UBE2QL1: variants seen among roughly 807,000 people sequenced by gnomAD.
The protein encoded by UBE2QL1 is ubiquitin conjugating enzyme E2 QL1.
Under a neutral mutation model 12.6 loss-of-function variants are expected in UBE2QL1, and 5 were observed. The ratio of observed to expected loss-of-function variants is 0.40; its 90% confidence interval spans 0.21 to 0.83. The LOEUF (loss-of-function observed/expected upper bound fraction) is 0.83. Ranked by LOEUF, UBE2QL1 falls within the 40% of genes least tolerant of loss-of-function variation. The pLI is 0.37. For synonymous variants in UBE2QL1, 96 were observed against 94.5 expected (o/e 1.02, Z -0.10); for missense variants, 99 against 222.6 (o/e 0.44, Z 3.53).
rs547209661 is a variant in UBE2QL1 at position 6,481,347 on chromosome 5, C to T, written c.355-9871C>T. On this transcript the variant is annotated intron_variant, in intron 1 of 1. Coordinates refer to ENST00000399816, the MANE Select transcript of UBE2QL1 (RefSeq NM_001145161.3). The surrounding 1 kb of genome is among the most constrained non-coding windows in gnomAD (Gnocchi z 4.5). ...CACCTCCATCCCATCTCGCCTTGCACGCCAGGTGCTCATTATCCCCATGCA... is the reference window on the plus strand; with the variant it reads ...CACCTCCATCCCATCTCGCCTTGCATGCCAGGTGCTCATTATCCCCATGCA... Among the ~76,000 whole-genome samples the T allele has an allele frequency of 6.6e-5, 10 of 152,332 alleles. No homozygotes were observed. In the East Asian group the frequency reaches 1.2e-3, roughly 18 times the overall value.
At chr5:6,471,502 T>C (rs1739911760) in intron 1 of UBE2QL1, among the ~76,000 whole-genome samples, 1 of 152,220 alleles carries the variant, frequency 6.6e-6, no homozygotes, top group Non-Finnish European at 1.5e-5. Context: ...TCCTTGCCTA[T>C]GGGCCTCTCC....
rs568206572 is a variant in UBE2QL1, at chr5:6,466,857, C to T, written c.354+17610C>T. On this transcript the variant is annotated intron_variant, in intron 1 of 1. Transcript: ENST00000399816. ...CTTTATGGGGTTTTGTTTGTAATCA[C>T]GTGCCCTTGAAATGTCATCATACCA... is the stretch of plus-strand genomic sequence containing the variant. Among the ~76,000 whole-genome samples, 17 of 152,226 alleles carry T rather than the reference C, an allele frequency of 1.1e-4. No homozygotes were observed. The South Asian group carries it at 3.1e-3, about 28-fold the overall frequency.
Position 6,478,144 on chromosome 5 carries a change from T to G in UBE2QL1, c.355-13074T>G, listed in dbSNP as rs2126360857. Among the ~76,000 whole-genome samples the G allele has an allele frequency of 6.6e-6, 1 of 152,376 alleles. No individual in the cohort carries two copies. Among genetic ancestry groups the G allele is most frequent in the Middle Eastern group, 3.4e-3 (1 of 294 alleles). On this transcript the variant is annotated intron_variant, in intron 1 of 1. Transcript: ENST00000399816. This position sits in a 1 kb window ranked among gnomAD's most constrained non-coding sequence, Gnocchi z 4.5. Reference sequence around the variant, plus strand: ...ATTTGAGAAAGTAACCTATCTTTTATAGAGTTTGTGCCCAGATCATATTTT... The same window carrying G: ...ATTTGAGAAAGTAACCTATCTTTTAGAGAGTTTGTGCCCAGATCATATTTT...
intron 1 of UBE2QL1, among the ~76,000 whole-genome samples, chr5:6,484,594 C>T (rs1414548556): frequency 6.6e-6 from 1 of 152,156 alleles, no homozygotes; most frequent in Non-Finnish European, 1.5e-5. Flanking sequence ...AGCAGTCGCA[C>T]ATCAGAGTCG....
chr5:6,483,282 A>C (rs989997862), intron 1 of UBE2QL1, among the ~76,000 whole-genome samples: 2 of 151,850 alleles, frequency 1.3e-5, no homozygotes, highest in Non-Finnish European at 2.9e-5. Flanking sequence ...CTGAAAATAC[A>C]AAAAAAATTA....
At chr5:6,467,872 TC>T (rs1373692971) in intron 1 of UBE2QL1, among the ~76,000 whole-genome samples, 1 of 152,156 alleles carries the variant, frequency 6.6e-6, no homozygotes. Context: ...TATCTGTTTT[TC>T]TTAGCTGTCC....
intron 1 of UBE2QL1, among the ~76,000 whole-genome samples, chr5:6,487,174 G>C (rs574216822): frequency 1.9e-4 from 29 of 152,316 alleles, no homozygotes; most frequent in African/African-American, 6.5e-4. Flanking sequence ...TCAATTACAT[G>C]GGGGCCGAAC....
At chr5:6,463,186 G>C (rs905397995) in intron 1 of UBE2QL1, among the ~76,000 whole-genome samples, 1 of 152,218 alleles carries the variant, frequency 6.6e-6, no homozygotes, top group Non-Finnish European at 1.5e-5. Flanking sequence ...GATGTTTACA[G>C]ATTGGTAGTA....
At chr5:6,484,805 T>C (rs1734433051) in intron 1 of UBE2QL1, among the ~76,000 whole-genome samples, 1 of 151,776 alleles carries the variant, frequency 6.6e-6, no homozygotes, top group African/African-American at 2.4e-5. Flanking sequence ...CCTGCACTGG[T>C]TAGTGCTGGG....
At position 6,475,382 on chromosome 5, in the gene UBE2QL1, C is replaced by T. The variant is rs1030514841; in HGVS notation, c.355-15836C>T. On this transcript the variant is annotated intron_variant, in intron 1 of 1. Transcript: ENST00000399816. ...AAGACTCTTTTACGATAATAGAACA[C>T]GGCATTTTCCACAGAGATCCCGAAT... Among the ~76,000 whole-genome samples, 10 of 151,580 alleles carry T rather than the reference C, an allele frequency of 6.6e-5. No homozygotes were observed. The East Asian group carries it at 1.2e-3, about 18-fold the overall frequency.
At chr5:6,464,796 G>C (rs1409699152) in intron 1 of UBE2QL1, among the ~76,000 whole-genome samples, 1 of 152,190 alleles carries the variant, frequency 6.6e-6, no homozygotes, top group Admixed American at 6.5e-5. Context: ...TTAGAGTGCA[G>C]CTAATTTCTG....
intron 1 of UBE2QL1, among the ~76,000 whole-genome samples, chr5:6,455,550 C>A (rs956558407): frequency 6.6e-6 from 1 of 152,120 alleles, no homozygotes; most frequent in African/African-American, 2.4e-5. Context: ...ACCCTGGCAG[C>A]ACATTAGATG....
At chr5:6,451,240 A>C (rs1207684852) in intron 1 of UBE2QL1, among the ~76,000 whole-genome samples, 1 of 65,996 alleles carries the variant, frequency 1.5e-5, no homozygotes. Context: ...TTGAAATGAG[A>C]AATGGGGATT....
intron 1 of UBE2QL1, among the ~76,000 whole-genome samples, chr5:6,487,743 C>A (rs948578781): frequency 6.6e-6 from 1 of 152,220 alleles, no homozygotes; most frequent in African/African-American, 2.4e-5. Context: ...ACTGGATGTT[C>A]GTCATGATGT....
At chr5:6,472,847 G>A (rs1242035465) in intron 1 of UBE2QL1, among the ~76,000 whole-genome samples, 1 of 152,062 alleles carries the variant, frequency 6.6e-6, no homozygotes, top group Non-Finnish European at 1.5e-5. Context: ...GTCCCATCAC[G>A]AGGCATCCTC....
intron 1 of UBE2QL1, among the ~76,000 whole-genome samples, chr5:6,475,370 G>A (rs981769747): frequency 7.2e-5 from 11 of 152,224 alleles, no homozygotes; most frequent in East Asian, 1.9e-4. Context: ...ACTCTTTTAC[G>A]ATAATAGAAC....
chr5:6,460,862 C>CGG (rs759832373), intron 1 of UBE2QL1, among the ~76,000 whole-genome samples: 1 of 152,202 alleles, frequency 6.6e-6, no homozygotes, highest in African/African-American at 2.4e-5. Context: ...TTCTTTGTTA[C>CGG]AGAATGCAAT....
chr5:6,465,703 C>T (rs1201014593), intron 1 of UBE2QL1, among the ~76,000 whole-genome samples: 1 of 152,142 alleles, frequency 6.6e-6, no homozygotes, highest in Non-Finnish European at 1.5e-5. Flanking sequence ...GGAAAGAGCC[C>T]TCCGGGATGA....
At chr5:6,490,030 G>A (rs1734539680) in intron 1 of UBE2QL1, among the ~76,000 whole-genome samples, 1 of 152,242 alleles carries the variant, frequency 6.6e-6, no homozygotes, top group Admixed American at 6.5e-5. Context: ...AGTACATAAA[G>A]CTCAGCCAGT....
Sources: gnomAD v4.1 joint callset for allele counts (sites outside exome capture counted in the v4.1 genomes callset) on GRCh38, gnomAD v4.1.1 for gene constraint, Gnocchi (gnomAD v3.1) non-coding constraint, MANE v1.5 for transcripts, NCBI Gene and HGNC (gene_info 2026-07-23, HGNC 2026-07-21) for gene names.